ZC3H13: variants seen among roughly 807,000 people sequenced by gnomAD.
ZC3H13 encodes the protein zinc finger CCCH-type containing 13, also known as zinc finger CCCH domain-containing protein 13.
In ZC3H13, 64 loss-of-function variants were observed where a neutral mutation model predicts 204.1. The observed-to-expected ratio is 0.31, with a 90% CI of 0.26 to 0.39. The LOEUF is 0.39. Among genes scored for constraint, ZC3H13 ranks in the 10% least tolerant of loss-of-function variants. The pLI, the probability that ZC3H13 is intolerant of heterozygous loss-of-function variation, is 1.00. For synonymous variants in ZC3H13, 667 were observed against 693.7 expected, an observed-to-expected ratio of 0.96 and a Z score of 0.60; for missense variants, 1,833 against 2,082.7, an observed-to-expected ratio of 0.88 and a Z score of 2.33.
intron 4 of ZC3H13, among the ~76,000 whole-genome samples, chr13:46,037,026 T>C (rs2043253247): frequency 6.6e-6 from 1 of 152,186 alleles, no homozygotes; most frequent in Non-Finnish European, 1.5e-5. Flanking sequence ...GCTATCCCAA[T>C]TGTTTTAATA....
chr13:45,998,004 T>C (rs2040462615), intron 8 of ZC3H13, among the ~76,000 whole-genome samples: 1 of 152,188 alleles, frequency 6.6e-6, no homozygotes, highest in Non-Finnish European at 1.5e-5. Flanking sequence ...TAAGTAACTG[T>C]TGGATGAATG....
intron 5 of ZC3H13, among the ~76,000 whole-genome samples, chr13:46,020,188 G>C (rs1395752474): frequency 6.6e-6 from 1 of 152,038 alleles, no homozygotes; most frequent in Non-Finnish European, 1.5e-5. Flanking sequence ...CAATCCTGAA[G>C]GGCTGTAATG....
intron 8 of ZC3H13, among the ~76,000 whole-genome samples, chr13:45,991,381 C>T (rs1407544035): frequency 1.3e-5 from 2 of 152,142 alleles, no homozygotes; most frequent in Non-Finnish European, 2.9e-5. Flanking sequence ...ACATTAAGGT[C>T]AGAACACTAA....
At chr13:45,968,632 C>T (rs1209782217) in intron 14 of ZC3H13, 116 bp downstream of exon 14, 10 of 1,359,592 alleles carry the variant, frequency 7.4e-6, no homozygotes, top group Non-Finnish European at 7.8e-6. Context: ...TAAAAAGTTG[C>T]ATAAAATTTA....
rs955823927 is a variant in ZC3H13 at position 45,954,562 on chromosome 13, C to T, written c.*2565G>A. The T allele has an allele frequency of 2.0e-5, 3 of 152,052 alleles. No individual in the cohort carries two copies. Among genetic ancestry groups the T allele is most frequent in the African/African-American group, 7.2e-5 (3 of 41,410 alleles). The allele number at this position is 152,052 out of a possible 1,614,324, so 9.4% of individuals were successfully genotyped here. A position where few individuals can be genotyped will look rare whatever the true frequency, so the allele number is the denominator to read the frequency against. ...TTAAATACAATATTTAGAAAGATGGCTATATAATTTTAGCTAGGAAAATCA... is the reference window on the plus strand; with the variant it reads ...TTAAATACAATATTTAGAAAGATGGTTATATAATTTTAGCTAGGAAAATCA... On this transcript the variant is annotated 3_prime_UTR_variant, in exon 19 of 19. Transcript: ENST00000679008.
intron 17 of ZC3H13, among the ~76,000 whole-genome samples, chr13:45,959,949 T>G (rs1951557248): frequency 6.6e-6 from 1 of 151,778 alleles, no homozygotes; most frequent in South Asian, 2.1e-4. Context: ...TTTAAACAAT[T>G]TATTTATTTA....
Position 45,959,571 on chromosome 13 carries a change from C to T in ZC3H13, c.4751G>A (p.Ser1584Asn), listed in dbSNP as rs538017938. ...ACATGGGCCAAGATTACTAAGAAGA[C>T]TTGCTCTTTCTTCTTTTCGTAGTAA... is the stretch of plus-strand genomic sequence containing the variant. Reference protein sequence around the residue: ...AALLRKEERASLLSNLGPCCK... With the variant: ...AALLRKEERANLLSNLGPCCK... Residue 1584 changes from serine to asparagine, a missense_variant, in exon 18 of 19, where the codon AGT (serine) becomes AAT (asparagine). Transcript: ENST00000679008. 1 of 1,549,470 alleles carries T rather than the reference C, an allele frequency of 6.5e-7. No homozygotes were observed. Among genetic ancestry groups the T allele is most frequent in the Non-Finnish European group, 8.7e-7 (1 of 1,146,528 alleles).
chr13:46,023,110 GAGAACCATT>G (rs2042320777), intron 4 of ZC3H13, among the ~76,000 whole-genome samples: 1 of 152,142 alleles, frequency 6.6e-6, no homozygotes, highest in African/African-American at 2.4e-5. Flanking sequence ...TAAGAGAGTT[GAGAACCATT>G]ATTAGTAACT....
chr13:46,011,318 AC>A, intron 6 of ZC3H13, 96 bp downstream of exon 6: 14 of 1,134,350 alleles, frequency 1.2e-5, no homozygotes, highest in Non-Finnish European at 1.7e-5. Flanking sequence ...ATATCAGTAT[AC>A]TAATATAATT....
intron 8 of ZC3H13, among the ~76,000 whole-genome samples, chr13:45,990,020 T>C (rs1244811536): frequency 6.6e-6 from 1 of 152,234 alleles, no homozygotes; most frequent in Non-Finnish European, 1.5e-5. Context: ...TCAGTGTCTA[T>C]GATAAACATT....
rs372717737 is a variant in ZC3H13, at chr13:46,018,219, T to C, written c.448+2230A>G. Among the ~76,000 whole-genome samples, 253 of 152,208 alleles carry C rather than the reference T, an allele frequency of 1.7e-3. 5 individuals carry two copies. Among genetic ancestry groups the C allele is most frequent in the Non-Finnish European group, 4.7e-4 (32 of 67,986 alleles). On this transcript the variant is annotated intron_variant, in intron 5 of 18. Transcript: ENST00000679008. ...GCCATTTAGGATAGTAACAAGTACA[T>C]CTCCATTTATTCTGCAATGAGGAGG... is the stretch of plus-strand genomic sequence containing the variant.
At chr13:45,982,606 T>G (rs546438737) in intron 10 of ZC3H13, among the ~76,000 whole-genome samples, 2 of 152,294 alleles carry the variant, frequency 1.3e-5, no homozygotes, top group African/African-American at 4.8e-5. Flanking sequence ...AAATACAGGC[T>G]GAATGCCCTT....
chr13:46,035,218 A>G (rs1350723470), intron 4 of ZC3H13, among the ~76,000 whole-genome samples: 3 of 152,190 alleles, frequency 2.0e-5, no homozygotes, highest in Admixed American at 6.5e-5. Context: ...GACAGCCAGC[A>G]TCGACTGCCA....
At chr13:45,968,475 G>A (rs947515265) in intron 14 of ZC3H13, among the ~76,000 whole-genome samples, 4 of 151,930 alleles carry the variant, frequency 2.6e-5, no homozygotes, top group Non-Finnish European at 4.4e-5. Context: ...CATCAATAAG[G>A]GACTTGAACA....
chr13:45,965,494 A>C (rs1952007249), intron 15 of ZC3H13, 62 bp from the exon 16 acceptor site: 1 of 1,567,276 alleles, frequency 6.4e-7, no homozygotes, highest in African/African-American at 1.4e-5. Flanking sequence ...GACTAAGTCA[A>C]ACCAAAAGGT....
rs1298974617 is a variant in ZC3H13 at position 45,968,868 on chromosome 13, T to G, written c.3676A>C (p.Arg1226=). Residue 1226 remains arginine, a synonymous_variant, in exon 14 of 19, where the codon AGA becomes CGA. Coordinates refer to ENST00000679008, the MANE Select transcript of ZC3H13 (RefSeq NM_001330564.2). ...RSGDDQSGRK[R]VLHSGSRDRE... ...TCTCTTGAGCCACTGTGCAGTACTC[T>G]CTTTCGACCACTTTGGTCATCTCCA... The G allele has an allele frequency of 6.2e-7, 1 of 1,614,044 alleles. No individual in the cohort carries two copies. The highest frequency in any genetic ancestry group is 8.5e-7 in the Non-Finnish European group (1 of 1,180,036).
In ZC3H13 at chr13:46,045,524, CA is replaced by C. The variant is rs1566366658; in HGVS notation, c.-9-9del. On this transcript the variant is annotated splice_polypyrimidine_tract_variant and intron_variant, in intron 1 of 18. Transcript: ENST00000679008. ...TTTTGACATTTTGTACTACTTCAAC[CA>C]AAAAAGAAAGAGGCAAAACTGTAAA... 1.9e-6 allele frequency: 3 copies of C among 1,598,218 alleles called. No homozygotes were observed. The highest frequency in any genetic ancestry group is 1.3e-5 in the African/African-American group (1 of 74,424).
At chr13:46,000,524 C>T (rs965453108) in intron 8 of ZC3H13, among the ~76,000 whole-genome samples, 3 of 152,194 alleles carry the variant, frequency 2.0e-5, no homozygotes, top group Non-Finnish European at 4.4e-5. Context: ...CTTTCAGCCT[C>T]GAAAGAATTA....
chr13:46,016,925 A>G (rs2041945546), intron 5 of ZC3H13, among the ~76,000 whole-genome samples: 1 of 152,140 alleles, frequency 6.6e-6, no homozygotes, highest in South Asian at 2.1e-4. Flanking sequence ...TTTCAATGGT[A>G]TTGGGTACAT....
Sources: gnomAD v4.1 joint callset for allele counts (sites outside exome capture counted in the v4.1 genomes callset) on GRCh38, gnomAD v4.1.1 for gene constraint, MANE v1.5 for transcripts, NCBI Gene and HGNC (gene_info 2026-07-23, HGNC 2026-07-21) for gene names.